Variants in RPP30 observed in about 807,000 individuals in gnomAD.
RPP30 encodes the protein ribonuclease P protein subunit p30.
Under a neutral mutation model 38.6 loss-of-function variants are expected in RPP30, and 36 were observed. That is an observed-to-expected ratio of 0.93 (90% CI 0.71 to 1.23). The LOEUF (loss-of-function observed/expected upper bound fraction) is 1.23, where lower values mean the gene tolerates loss of function less well. RPP30 is among the 50% of genes most tolerant of loss of function. The pLI is 0.00. For synonymous variants in RPP30, 126 were observed against 112.7 expected (o/e 1.12, Z -0.75); for missense variants, 321 against 321.7 (o/e 1.00, Z 0.02).
downstream of RPP30, among the ~76,000 whole-genome samples, chr10:90,906,483 A>G (rs1847256037): frequency 6.6e-6 from 1 of 152,234 alleles, no homozygotes; most frequent in African/African-American, 2.4e-5. Context: ...ATTTTATAAG[A>G]CATTTTTAGG....
chr10:90,902,117 AAG>A lies in RPP30; in HGVS notation c.*1442_*1443del, dbSNP rs1184013972. ...CGGCCCGAGAAAATACAGTTTTAAA[AAG>A]AGAAAGCTTTATAACCTCACCAATG... On this transcript the variant is annotated 3_prime_UTR_variant, in exon 11 of 11. Coordinates refer to ENST00000371703, the MANE Select transcript of RPP30 (RefSeq NM_006413.5). 6.1e-6 allele frequency: 6 copies of A among 990,100 alleles called. No individual in the cohort carries two copies. The highest frequency in any genetic ancestry group is 4.4e-5 in the South Asian group (1 of 22,526). 61.3% of individuals were successfully genotyped at this position (990,100 alleles called of 1,614,324 possible).
At chr10:90,895,977 G>A (rs1847134701) in intron 9 of RPP30, 60 bp downstream of exon 9, 1 of 1,310,950 alleles carries the variant, frequency 7.6e-7, no homozygotes, top group South Asian at 1.3e-5. Flanking sequence ...TGAATTTGAA[G>A]TCGTATTATA....
intron 10 of RPP30, among the ~76,000 whole-genome samples, chr10:90,898,229 A>C (rs60521989): frequency 1.3e-5 from 2 of 152,158 alleles, no homozygotes; most frequent in Admixed American, 6.5e-5. Flanking sequence ...AGCTAAACTT[A>C]AAGAAGACTT....
chr10:90,903,031 C>T (rs1034908790), downstream of RPP30, among the ~76,000 whole-genome samples: 5 of 151,960 alleles, frequency 3.3e-5, no homozygotes, highest in Admixed American at 6.5e-5. Flanking sequence ...GAAAAATTCC[C>T]GGGAAAACTA....
intron 5 of RPP30, among the ~76,000 whole-genome samples, chr10:90,880,613 G>T (rs745678041): frequency 1.3e-5 from 2 of 152,058 alleles, no homozygotes; most frequent in Non-Finnish European, 2.9e-5. Flanking sequence ...GCAGCTACTC[G>T]GGAGGCTGAG....
intron 5 of RPP30, among the ~76,000 whole-genome samples, chr10:90,880,493 C>T (rs1404088785): frequency 6.6e-6 from 1 of 151,936 alleles, no homozygotes; most frequent in Non-Finnish European, 1.5e-5. Context: ...TTTGGGAGGC[C>T]GAGGCAGGTG....
intron 5 of RPP30, among the ~76,000 whole-genome samples, chr10:90,881,637 T>C (rs1170583703): frequency 6.6e-6 from 1 of 152,248 alleles, no homozygotes; most frequent in Admixed American, 6.5e-5. Context: ...GAGTTCTCCT[T>C]GTTTTCTATA....
intron 6 of RPP30, among the ~76,000 whole-genome samples, chr10:90,891,843 A>G (rs1280487132): frequency 6.6e-6 from 1 of 152,230 alleles, no homozygotes; most frequent in Non-Finnish European, 1.5e-5. Context: ...AGGATTGGAG[A>G]TGCAAGTAGT....
downstream of RPP30, chr10:90,903,269 T>C: frequency 6.3e-7 from 1 of 1,599,980 alleles, no homozygotes. Flanking sequence ...TTGACCCTTC[T>C]TTAAAAGGTT....
chr10:90,900,584 G>A lies in RPP30; in HGVS notation c.712G>A (p.Ala238Thr), dbSNP rs747210339. Residue 238 changes from alanine to threonine, a missense_variant, in exon 11 of 11, where the codon GCT (alanine) becomes ACT (threonine). Transcript: ENST00000371703. The stretch of plus-strand genomic sequence containing the variant: ...TTGTTTTACAGAAACTAGAAAAACT[G>A]CTTTTGGAATTATCTCTACAGTGAA... ...ALLHGETRKT[A>T]FGIISTVKKP... is the part of the protein sequence containing the mutation. 1 of 1,611,020 alleles carries A rather than the reference G, an allele frequency of 6.2e-7. No homozygotes were observed. Among genetic ancestry groups the A allele is most frequent in the African/African-American group, 1.3e-5 (1 of 74,920 alleles).
chr10:90,902,853 A>C (rs1847218666), downstream of RPP30, among the ~76,000 whole-genome samples: 1 of 152,230 alleles, frequency 6.6e-6, no homozygotes, highest in Non-Finnish European at 1.5e-5. Context: ...CCACACACCA[A>C]AAGTCTGCCA....
intron 1 of RPP30, 177 bp downstream of exon 1, chr10:90,872,245 G>A: frequency 1.6e-6 from 1 of 615,310 alleles, no homozygotes; most frequent in Non-Finnish European, 3.0e-6. Flanking sequence ...GAAACTCGAA[G>A]GTTCTGGGGG....
rs1163423354 is a variant in RPP30, at chr10:90,901,857, C to G, written c.*1178C>G. On this transcript the variant is annotated 3_prime_UTR_variant, in exon 11 of 11. Transcript: ENST00000371703. ...TTTTTTTGAGACAGTCTCGCTCTGT[C>G]CCCCAGGCTGGAGTGCAGTGGCTCG... The G allele has an allele frequency of 1.1e-6, 1 of 871,572 alleles. No homozygotes were observed. Among genetic ancestry groups the G allele is most frequent in the African/African-American group, 1.9e-5 (1 of 53,066 alleles). 54.0% of individuals were successfully genotyped at this position (871,572 alleles called of 1,614,324 possible). A position where few individuals can be genotyped will look rare whatever the true frequency, so the allele number is the denominator to read the frequency against.
chr10:90,878,976 G>C (rs1336190746), intron 4 of RPP30, 87 bp from the exon 5 acceptor site: 2 of 1,122,422 alleles, frequency 1.8e-6, no homozygotes, highest in Non-Finnish European at 2.7e-6. Flanking sequence ...TTCCATGATT[G>C]AAATATAAGT....
chr10:90,903,865 AAACTT>A (rs1382306423), downstream of RPP30, among the ~76,000 whole-genome samples: 2 of 152,252 alleles, frequency 1.3e-5, no homozygotes, highest in Non-Finnish European at 2.9e-5. Flanking sequence ...TCTATAAAGA[AAACTT>A]AATGAAAGTA....
chr10:90,903,563 C>G (rs746054496), downstream of RPP30, among the ~76,000 whole-genome samples: 3 of 152,178 alleles, frequency 2.0e-5, no homozygotes, highest in Non-Finnish European at 4.4e-5. Context: ...TGCAGTTGTG[C>G]GTGCTTTCTA....
At chr10:90,894,951 C>T in intron 7 of RPP30, 60 bp downstream of exon 7, 1 of 1,109,822 alleles carries the variant, frequency 9.0e-7, no homozygotes, top group Non-Finnish European at 1.4e-6. Flanking sequence ...TAGTAGTACA[C>T]TGGAATTGTC....
chr10:90,886,543 C>T (rs1204234436), intron 6 of RPP30, among the ~76,000 whole-genome samples: 2 of 152,182 alleles, frequency 1.3e-5, no homozygotes, highest in African/African-American at 4.8e-5. Context: ...TTAATTTCCT[C>T]CCATTTCCAT....
At chr10:90,895,273 G>T in intron 7 of RPP30, 181 bp from the exon 8 acceptor site, 1 of 497,824 alleles carries the variant, frequency 2.0e-6, no homozygotes, top group Non-Finnish European at 3.5e-6. Context: ...TTTTATTACA[G>T]ATTGCCTTTA....
Sources: allele counts gnomAD v4.1 joint callset (sites outside exome capture counted in the v4.1 genomes callset), GRCh38; gene constraint gnomAD v4.1.1; transcripts MANE v1.5; gene names NCBI Gene and HGNC (gene_info 2026-07-23, HGNC 2026-07-21).